IDE: variants seen among roughly 807,000 people sequenced by gnomAD.
IDE encodes insulin-degrading enzyme.
In IDE, 58 loss-of-function variants were observed where a neutral mutation model predicts 133.2. The ratio of observed to expected loss-of-function variants is 0.44; its 90% CI spans 0.35 to 0.54. The LOEUF (loss-of-function observed/expected upper bound fraction) is 0.54, where lower values mean the gene tolerates loss of function less well. Ranked by LOEUF, IDE falls within the 20% of genes least tolerant of loss-of-function variation. The pLI is 0.00. For missense variants in IDE, 981 were observed against 1,234.0 expected (o/e 0.79, Z 3.07); for synonymous variants, 396 against 421.3 (o/e 0.94, Z 0.73).
intron 1 of IDE, among the ~76,000 whole-genome samples, chr10:92,550,304 C>G (rs541298570): frequency 2.0e-5 from 3 of 151,912 alleles, no homozygotes; most frequent in African/African-American, 7.3e-5. Context: ...AAATCTGCAA[C>G]AAAACAACAA....
chr10:92,466,172 A>G (rs1017067425), intron 19 of IDE, among the ~76,000 whole-genome samples: 1 of 146,202 alleles, frequency 6.8e-6, no homozygotes, highest in Non-Finnish European at 1.5e-5. Context: ...TTGAGGCTGC[A>G]GTGAGCTGTG....
intron 4 of IDE, among the ~76,000 whole-genome samples, chr10:92,516,144 C>T (rs1245097526): frequency 6.8e-6 from 1 of 146,060 alleles, no homozygotes; most frequent in East Asian, 2.1e-4. Flanking sequence ...AAGATTGTGC[C>T]ATTGCACTCT....
At chr10:92,537,694 T>C (rs1385504747) in intron 1 of IDE, 144 bp from the exon 2 acceptor site, 4 of 604,996 alleles carry the variant, frequency 6.6e-6, no homozygotes, top group African/African-American at 3.7e-5. Flanking sequence ...CAGGGTGCAG[T>C]CATTCCTTTC....
chr10:92,475,383 A>G (rs964591964), intron 16 of IDE, among the ~76,000 whole-genome samples: 2 of 152,234 alleles, frequency 1.3e-5, no homozygotes, highest in Non-Finnish European at 2.9e-5. Flanking sequence ...AGTTTCTTCT[A>G]GTATACAAGG....
At chr10:92,541,206 C>A in intron 1 of IDE, 1 of 300,162 alleles carries the variant, frequency 3.3e-6, no homozygotes, top group South Asian at 2.8e-5. Flanking sequence ...CATTTTCAAA[C>A]AAAACCTATT....
chr10:92,511,133 GCT>G (rs2135553490), intron 5 of IDE, among the ~76,000 whole-genome samples: 1 of 124,316 alleles, frequency 8.0e-6, no homozygotes, highest in South Asian at 2.5e-4. Context: ...GCAAGGTATT[GCT>G]CTGTTGCACA....
intron 1 of IDE, among the ~76,000 whole-genome samples, chr10:92,569,355 G>A (rs1843687019): frequency 6.6e-6 from 1 of 152,256 alleles, no homozygotes; most frequent in Admixed American, 6.5e-5. Context: ...AACAGCTTGG[G>A]AAAAGTGGTT....
rs77824934 is a variant in IDE at position 92,508,196 on chromosome 10, T to C, written c.1070A>G (p.Asn357Ser). The change falls in exon 8 of 25, where the codon AAT becomes AGT. Residue 357 changes from asparagine to serine, a missense_variant. Coordinates refer to ENST00000265986, the MANE Select transcript of IDE (RefSeq NM_004969.4). ...TTCCTTCTGCCCACCAACAAGAGTA[T>C]TAACCCAGCCTGCAACATTCAAAGG... ...LSELKSKGWV[N>S]TLVGGQKEGA... 246 of 1,613,282 alleles carry C rather than the reference T, an allele frequency of 1.5e-4. No individual in the cohort carries two copies. Among genetic ancestry groups the C allele is most frequent in the Non-Finnish European group, 1.9e-4 (224 of 1,179,564 alleles).
intron 1 of IDE, among the ~76,000 whole-genome samples, chr10:92,545,876 A>G (rs1344026454): frequency 6.6e-6 from 1 of 152,236 alleles, no homozygotes; most frequent in Non-Finnish European, 1.5e-5. Context: ...AACCATTTTC[A>G]AAAACTGGCA....
At chr10:92,551,662 TCA>T (rs1398824843) in intron 1 of IDE, among the ~76,000 whole-genome samples, 1 of 151,822 alleles carries the variant, frequency 6.6e-6, no homozygotes, top group Non-Finnish European at 1.5e-5. Flanking sequence ...GTAGTCAAAT[TCA>T]CAGACAGAAA....
chr10:92,566,959 T>A (rs1015181665), intron 1 of IDE, among the ~76,000 whole-genome samples: 8 of 152,140 alleles, frequency 5.3e-5, no homozygotes, highest in Non-Finnish European at 1.0e-4. Context: ...CCATTTCCTA[T>A]CCTTAAGCAA....
chr10:92,574,008 C>G lies in IDE; in HGVS notation c.12G>C (p.Arg4=). ...GTGCGGGGTGCAGAAGCCACGCTAG[C>G]CGGTACCGCATTAGCCAGCGCAGTC... MRY[R]LAWLLHPALP... Residue 4 remains arginine, a synonymous_variant, in exon 1 of 25, where the codon CGG becomes CGC. Coordinates refer to ENST00000265986, the MANE Select transcript of IDE (RefSeq NM_004969.4). 1 of 1,512,554 alleles carries G rather than the reference C, an allele frequency of 6.6e-7. No individual in the cohort carries two copies. The highest frequency in any genetic ancestry group is 8.8e-7 in the Non-Finnish European group (1 of 1,132,622). 93.7% of individuals were successfully genotyped at this position (1,512,554 alleles called of 1,614,324 possible).
chr10:92,487,411 G>A (rs1249749677), intron 12 of IDE, 93 bp from the exon 13 acceptor site: 5 of 1,033,220 alleles, frequency 4.8e-6, no homozygotes, highest in African/African-American at 1.6e-5. Context: ...AATATTAAGT[G>A]CACAAATGTC....
chr10:92,560,747 C>T (rs1025167166), intron 1 of IDE, among the ~76,000 whole-genome samples: 2 of 151,566 alleles, frequency 1.3e-5, no homozygotes, highest in African/African-American at 4.8e-5. Flanking sequence ...GGAGCCACTG[C>T]ACTCCAGCCT....
chr10:92,467,542 G>A (rs1210476997), intron 19 of IDE, among the ~76,000 whole-genome samples: 2 of 152,144 alleles, frequency 1.3e-5, no homozygotes, highest in Non-Finnish European at 2.9e-5. Context: ...AATTTGGGAG[G>A]GTACTTAGGA....
chr10:92,474,865 C>T lies in IDE; in HGVS notation c.2092G>A (p.Asp698Asn). ...LLMTEVAWTK[D>N]ELKEALDDVT... ...CCATCCAGAGCTTCTTTTAACTCAT[C>T]TTTAGTCCAGGCCACTTCAGTCATC... The change falls in exon 17 of 25, where the codon GAT (aspartate) becomes AAT (asparagine). Residue 698 changes from aspartate (D) to asparagine (N), a missense_variant. Physicochemically the swap from Asp to Asn is conservative, Grantham distance 23 (BLOSUM62 1). Coordinates refer to ENST00000265986, the MANE Select transcript of IDE (RefSeq NM_004969.4). The T allele has an allele frequency of 6.2e-7, 1 of 1,613,480 alleles. No homozygotes were observed. Among genetic ancestry groups the T allele is most frequent in the Non-Finnish European group, 8.5e-7 (1 of 1,179,716 alleles).
intron 11 of IDE, among the ~76,000 whole-genome samples, chr10:92,501,796 G>A (rs1589432898): frequency 6.6e-6 from 1 of 152,052 alleles, no homozygotes; most frequent in Non-Finnish European, 1.5e-5. Context: ...TCAACATGGT[G>A]AAACCCCATC....
intron 10 of IDE, 25 bp from the exon 11 acceptor site, chr10:92,504,922 A>C (rs753466030): frequency 9.5e-7 from 1 of 1,051,568 alleles, no homozygotes; most frequent in South Asian, 1.5e-5. Context: ...AATATAAATA[A>C]ATAAAATATA....
At chr10:92,511,599 T>C (rs181763602) in intron 5 of IDE, among the ~76,000 whole-genome samples, 85 of 152,310 alleles carry the variant, frequency 5.6e-4, no homozygotes, top group African/African-American at 1.9e-3. Context: ...AAATGACTAT[T>C]TGAGAGCTGC....
Sources: gnomAD v4.1 joint callset for allele counts (sites outside exome capture counted in the v4.1 genomes callset) on GRCh38, gnomAD v4.1.1 for gene constraint, MANE v1.5 for transcripts, NCBI Gene and HGNC (gene_info 2026-07-23, HGNC 2026-07-21) for gene names.